Variants in ZNF385D observed in about 807,000 individuals in gnomAD.
ZNF385D encodes zinc finger protein 659.
In ZNF385D, 15 loss-of-function variants were observed where a neutral mutation model predicts 35.8. The ratio of observed to expected loss-of-function variants is 0.42; its 90% CI spans 0.28 to 0.64. The LOEUF is 0.64. Among genes scored for constraint, ZNF385D ranks in the 30% least tolerant of loss-of-function variants. The pLI, the probability that ZNF385D is intolerant of heterozygous loss-of-function variation, is 0.23. For synonymous variants in ZNF385D, 212 were observed against 186.8 expected (o/e 1.13, Z -1.10); for missense variants, 474 against 494.6 (o/e 0.96, Z 0.39).
rs75864226 is a variant in ZNF385D at position 22,298,910 on chromosome 3, C to G, written c.106+73540G>C. The stretch of plus-strand genomic sequence containing the variant: ...ATATAATGATGACTGTATTATATTA[C>G]ACAGTTCTTAAAAAAGAATTGCAAC... On this transcript the variant is annotated intron_variant, in intron 2 of 5. Transcript: ENST00000494108. Among the ~76,000 whole-genome samples the G allele has an allele frequency of 4.8e-3, 732 of 151,912 alleles. 6 individuals carry two copies. Among genetic ancestry groups the G allele is most frequent in the African/African-American group, 0.017 (713 of 41,500 alleles).
intron 3 of ZNF385D, among the ~76,000 whole-genome samples, chr3:21,860,535 A>G (rs1575793385): frequency 6.6e-6 from 1 of 152,254 alleles, no homozygotes; most frequent in East Asian, 1.9e-4. Flanking sequence ...ATATCCCCAC[A>G]TCAACATCAG....
intron 3 of ZNF385D, among the ~76,000 whole-genome samples, chr3:22,161,868 T>G (rs1705976791): frequency 6.6e-6 from 1 of 152,170 alleles, no homozygotes; most frequent in Admixed American, 6.6e-5. Flanking sequence ...TTGTTGACAG[T>G]AGAATATAAG....
At chr3:22,364,071 T>C (rs2125516924) in intron 2 of ZNF385D, among the ~76,000 whole-genome samples, 1 of 152,256 alleles carries the variant, frequency 6.6e-6, no homozygotes, top group South Asian at 2.1e-4. Context: ...ATTCACATTC[T>C]AGTCTGTAAT....
intron 5 of ZNF385D, among the ~76,000 whole-genome samples, chr3:21,433,404 G>A (rs182943773): frequency 3.3e-5 from 5 of 152,226 alleles, no homozygotes; most frequent in Admixed American, 6.5e-5. Flanking sequence ...ACTATTATTC[G>A]GATGCAAGGG....
chr3:21,931,306 G>C (rs1436200760), intron 3 of ZNF385D, among the ~76,000 whole-genome samples: 1 of 152,164 alleles, frequency 6.6e-6, no homozygotes, highest in African/African-American at 2.4e-5. Flanking sequence ...AAGTATTAGA[G>C]AGGATGAGGA....
At chr3:21,513,224 A>C (rs1183973076) in intron 3 of ZNF385D, among the ~76,000 whole-genome samples, 2 of 152,256 alleles carry the variant, frequency 1.3e-5, no homozygotes, top group East Asian at 3.9e-4. Context: ...AACAAAAACA[A>C]AAACAAACCA....
intron 3 of ZNF385D, among the ~76,000 whole-genome samples, chr3:21,921,893 T>C (rs112181788): frequency 2.7e-5 from 4 of 149,694 alleles, no homozygotes; most frequent in Non-Finnish European, 5.9e-5. Context: ...ACAGATAGAT[T>C]CACAGCCAAA....
At chr3:21,888,800 T>C (rs1698686467) in intron 3 of ZNF385D, among the ~76,000 whole-genome samples, 1 of 152,178 alleles carries the variant, frequency 6.6e-6, no homozygotes, top group South Asian at 2.1e-4. Context: ...TTTCCCAAAA[T>C]GAGGTGCCTG....
intron 3 of ZNF385D, among the ~76,000 whole-genome samples, chr3:22,060,581 T>G (rs553733016): frequency 6.6e-6 from 1 of 152,294 alleles, no homozygotes; most frequent in African/African-American, 2.4e-5. Context: ...TCTGGGAAAT[T>G]CTGTTCACAT....
chr3:21,819,310 GA>G (rs2073291535), intron 3 of ZNF385D, among the ~76,000 whole-genome samples: 1 of 151,676 alleles, frequency 6.6e-6, no homozygotes, highest in African/African-American at 2.4e-5. Context: ...TAGAATTAAT[GA>G]AAAAGATTGT....
intron 3 of ZNF385D, among the ~76,000 whole-genome samples, chr3:21,548,999 A>G (rs2062477477): frequency 6.6e-6 from 1 of 152,230 alleles, no homozygotes; most frequent in African/African-American, 2.4e-5. Flanking sequence ...GTTGTTCATA[A>G]TACTCTATAG....
chr3:21,803,633 A>G (rs1001378113), intron 3 of ZNF385D, among the ~76,000 whole-genome samples: 1 of 152,204 alleles, frequency 6.6e-6, no homozygotes, highest in African/African-American at 2.4e-5. Flanking sequence ...TAAAAGCTAT[A>G]TATATCATCC....
At chr3:22,356,546 G>C (rs1318032396) in intron 2 of ZNF385D, among the ~76,000 whole-genome samples, 2 of 151,922 alleles carry the variant, frequency 1.3e-5, no homozygotes, top group African/African-American at 4.8e-5. Context: ...TTCTGTGCTA[G>C]AACTCTGTTT....
At chr3:22,050,058 G>C (rs181698173) in intron 3 of ZNF385D, among the ~76,000 whole-genome samples, 2 of 152,200 alleles carry the variant, frequency 1.3e-5, no homozygotes, top group East Asian at 1.9e-4. Flanking sequence ...AGAAGGATTG[G>C]TATTAGTTTA....
At chr3:21,803,049 C>G (rs952320606) in intron 3 of ZNF385D, among the ~76,000 whole-genome samples, 2 of 152,158 alleles carry the variant, frequency 1.3e-5, no homozygotes, top group African/African-American at 4.8e-5. Flanking sequence ...AAGAGTTTGT[C>G]TAACTTCAAG....
At chr3:22,050,293 T>G (rs1375083689) in intron 3 of ZNF385D, among the ~76,000 whole-genome samples, 1 of 151,394 alleles carries the variant, frequency 6.6e-6, no homozygotes, top group Admixed American at 6.6e-5. Context: ...GCCCCAGAGG[T>G]TGACGCTCCA....
At chr3:22,261,299 G>C (rs1476307965) in intron 2 of ZNF385D, among the ~76,000 whole-genome samples, 2 of 151,900 alleles carry the variant, frequency 1.3e-5, no homozygotes, top group South Asian at 2.1e-4. Flanking sequence ...TTAAAGACTA[G>C]GTAAAAATGG....
At position 21,764,398 on chromosome 3, in the gene ZNF385D, T is replaced by C. The variant is rs74500291; in HGVS notation, c.326-99370A>G. On this transcript the variant is annotated intron_variant, in intron 3 of 5. Transcript: ENST00000494108. Reference sequence around the variant, plus strand: ...ATAGTTATGGATTCAAAATGTAGAATGGTTAACTAATAAGCATCCAGTGGA... The same window carrying C: ...ATAGTTATGGATTCAAAATGTAGAACGGTTAACTAATAAGCATCCAGTGGA... 1.4e-3 allele frequency among the ~76,000 whole-genome samples: 206 copies of C among 152,272 alleles called. 3 individuals carry two copies. Among genetic ancestry groups the C allele is most frequent in the African/African-American group, 4.5e-3 (185 of 41,560 alleles).
At chr3:21,453,499 A>G (rs574877428) in intron 4 of ZNF385D, among the ~76,000 whole-genome samples, 9 of 152,114 alleles carry the variant, frequency 5.9e-5, no homozygotes, top group African/African-American at 2.2e-4. Flanking sequence ...ATTATATATA[A>G]AGAACACTTA....
Sources: allele counts gnomAD v4.1 joint callset (sites outside exome capture counted in the v4.1 genomes callset), GRCh38; gene constraint gnomAD v4.1.1; transcripts MANE v1.5; gene names NCBI Gene and HGNC (gene_info 2026-07-23, HGNC 2026-07-21).